Variants in PRKCZ observed in about 807,000 individuals in gnomAD.
PRKCZ encodes the protein protein kinase C zeta type.
PRKCZ carries 33 observed loss-of-function variants against 79.5 expected under a neutral mutation model. The observed-to-expected ratio is 0.41, with a 90% CI of 0.31 to 0.55. The LOEUF is 0.55. Among genes scored for constraint, PRKCZ ranks in the 20% least tolerant of loss-of-function variants. The pLI is 0.19. For synonymous variants in PRKCZ, 342 were observed against 320.9 expected, an observed-to-expected ratio of 1.07 and a Z score of -0.70; for missense variants, 578 against 813.5, an observed-to-expected ratio of 0.71 and a Z score of 3.52.
rs566372342 is a variant in PRKCZ at position 2,171,141 on chromosome 1, T to C, written c.1062-914T>C. On this transcript the variant is annotated intron_variant, in intron 11 of 17. Transcript: ENST00000378567. ...GTCAGGAGATCGAGACCATCCTGGC[T>C]AACACGGTGAAATAACACAGTGAAA... Among the ~76,000 whole-genome samples, 326 of 151,972 alleles carry C rather than the reference T, an allele frequency of 2.1e-3. 1 individual carries two copies. The highest frequency in any genetic ancestry group is 6.9e-3 in the South Asian group (33 of 4,810).
At chr1:2,071,332 A>T (rs762703057) in intron 4 of PRKCZ, 13 of 471,020 alleles carry the variant, frequency 2.8e-5, no homozygotes, top group Admixed American at 2.2e-4. Context: ...GGCCCCACCG[A>T]GTGTGTTCCA....
chr1:2,058,514 T>G (rs6698965), intron 3 of PRKCZ, among the ~76,000 whole-genome samples: 3,048 of 152,104 alleles, frequency 0.02, 112 homozygotes, highest in East Asian at 0.078. Context: ...AATCTAGTCC[T>G]TTTTATTGTG....
At chr1:2,140,147 G>A (rs1387399973) in intron 5 of PRKCZ, among the ~76,000 whole-genome samples, 1 of 152,216 alleles carries the variant, frequency 6.6e-6, no homozygotes, top group East Asian at 1.9e-4. Context: ...TCAGGTGGCT[G>A]GCAGAGGCCA....
intron 9 of PRKCZ, among the ~76,000 whole-genome samples, chr1:2,153,037 G>A (rs555170187): frequency 6.6e-6 from 1 of 152,334 alleles, no homozygotes; most frequent in South Asian, 2.1e-4. Flanking sequence ...GTAGTTCTCT[G>A]TTCAACTGAT....
At chr1:2,095,536 C>G (rs1350383795) in intron 4 of PRKCZ, among the ~76,000 whole-genome samples, 2 of 152,178 alleles carry the variant, frequency 1.3e-5, no homozygotes, top group South Asian at 2.1e-4. Context: ...AAGTCCCTGT[C>G]AGTTGTTCAG....
intron 4 of PRKCZ, chr1:2,073,829 C>T (rs1004645205): frequency 1.4e-5 from 15 of 1,040,110 alleles, no homozygotes; most frequent in Non-Finnish European, 1.7e-5. Flanking sequence ...GGCGAGCCGA[C>T]GCAGCATCAG....
intron 4 of PRKCZ, among the ~76,000 whole-genome samples, chr1:2,113,974 C>T (rs773052453): frequency 9.9e-5 from 15 of 152,226 alleles, no homozygotes; most frequent in Admixed American, 3.3e-4. Context: ...TGGGTGCCAC[C>T]GGTCAAGGGC....
rs1684598921 is a variant in PRKCZ, at chr1:2,172,336, C to T, written c.1233C>T (p.Phe411=). The change falls in exon 13 of 18, where the codon TTC becomes TTT. Residue 411 remains phenylalanine, a synonymous_variant. Coordinates refer to ENST00000378567, the MANE Select transcript of PRKCZ (RefSeq NM_002744.6). This position sits in a 1 kb window ranked among gnomAD's most constrained non-coding sequence, Gnocchi z 7.8. Reference sequence around the variant, plus strand: ...GCCCTGGTGACACAACGAGCACTTTCTGCGGAACCCCGAATTACATCGCCC... The same window carrying T: ...GCCCTGGTGACACAACGAGCACTTTTTGCGGAACCCCGAATTACATCGCCC... ...GLGPGDTTST[F]CGTPNYIAPE... 1.2e-6 allele frequency: 2 copies of T among 1,613,632 alleles called. No homozygotes were observed. The highest frequency in any genetic ancestry group is 1.3e-5 in the African/African-American group (1 of 75,074).
At chr1:2,067,397 G>C (rs1305704849) in intron 4 of PRKCZ, among the ~76,000 whole-genome samples, 6 of 152,178 alleles carry the variant, frequency 3.9e-5, no homozygotes, top group Non-Finnish European at 8.8e-5. Context: ...CCGTTCCTCT[G>C]CTGATGGACA....
intron 4 of PRKCZ, among the ~76,000 whole-genome samples, chr1:2,097,485 C>T (rs947236854): frequency 1.2e-4 from 18 of 152,222 alleles, no homozygotes; most frequent in African/African-American, 3.6e-4. Context: ...GAAGGCATTC[C>T]TTACCTGCCC....
rs1280665016 is a variant in PRKCZ, at chr1:2,172,202, G to A, written c.1197+12G>A. The stretch of plus-strand genomic sequence containing the variant: ...ACGGCATGTGCAAGGTGCGTGCCTT[G>A]GACCGCCTCCCCTGACCATCCCGCA... On this transcript the variant is annotated intron_variant, in intron 12 of 17. Coordinates refer to ENST00000378567, the MANE Select transcript of PRKCZ (RefSeq NM_002744.6). This position sits in a 1 kb window ranked among gnomAD's most constrained non-coding sequence, Gnocchi z 7.8. 1.9e-6 allele frequency: 3 copies of A among 1,613,336 alleles called. No homozygotes were observed. The highest frequency in any genetic ancestry group is 2.5e-6 in the Non-Finnish European group (3 of 1,179,966).
At chr1:2,052,879 C>T (rs1208729756) in intron 1 of PRKCZ, among the ~76,000 whole-genome samples, 2 of 152,158 alleles carry the variant, frequency 1.3e-5, no homozygotes. Flanking sequence ...TTCAGTCACC[C>T]CCATGGGGCA....
intron 4 of PRKCZ, among the ~76,000 whole-genome samples, chr1:2,106,397 C>T (rs1668418197): frequency 6.6e-6 from 1 of 152,092 alleles, no homozygotes. Context: ...CTGTGACTCT[C>T]AGCAAGCCCC....
chr1:2,051,696 C>T (rs1659675745), intron 1 of PRKCZ, among the ~76,000 whole-genome samples: 2 of 152,148 alleles, frequency 1.3e-5, no homozygotes, highest in African/African-American at 4.8e-5. Context: ...ACAACTTCCC[C>T]GGGCCACGTC....
intron 4 of PRKCZ, among the ~76,000 whole-genome samples, chr1:2,132,240 G>A (rs891621009): frequency 6.6e-6 from 1 of 152,192 alleles, no homozygotes; most frequent in African/African-American, 2.4e-5. Context: ...TGGCTGAGGT[G>A]GGCTTCGCAC....
At chr1:2,109,167 C>T (rs1251679468) in intron 4 of PRKCZ, among the ~76,000 whole-genome samples, 1 of 152,236 alleles carries the variant, frequency 6.6e-6, no homozygotes, top group Non-Finnish European at 1.5e-5. Context: ...GTGACACAGT[C>T]TTGGGTCCCG....
Position 2,144,661 on chromosome 1 carries a change from G to T in PRKCZ, c.552+320G>T. 5 of 1,127,342 alleles carry T rather than the reference G, an allele frequency of 4.4e-6. No homozygotes were observed. The South Asian group carries it at 6.8e-5, about 15-fold the overall frequency. 69.8% of individuals were successfully genotyped at this position (1,127,342 alleles called of 1,614,324 possible). A position where few individuals can be genotyped will look rare whatever the true frequency, so the allele number is the denominator to read the frequency against. On this transcript the variant is annotated intron_variant, in intron 6 of 17. Coordinates refer to ENST00000378567, the MANE Select transcript of PRKCZ (RefSeq NM_002744.6). ...CCCCAGTCTTGAACCAGCTCTTAAG[G>T]ACTGTGGAGGTGAAAGCCAGGTCTG...
chr1:2,073,505 T>G, intron 4 of PRKCZ: 1 of 537,560 alleles, frequency 1.9e-6, no homozygotes, highest in Non-Finnish European at 2.4e-6. Context: ...CTGGGTTCTG[T>G]TCTGATGTCG....
chr1:2,053,842 A>G (rs1659915125), intron 1 of PRKCZ, among the ~76,000 whole-genome samples: 1 of 152,204 alleles, frequency 6.6e-6, no homozygotes, highest in African/African-American at 2.4e-5. Flanking sequence ...ACCCCCCTCC[A>G]TTCCTTACTT....
Sources: gnomAD v4.1 joint callset for allele counts (sites outside exome capture counted in the v4.1 genomes callset) on GRCh38, gnomAD v4.1.1 for gene constraint, Gnocchi (gnomAD v3.1) non-coding constraint, MANE v1.5 for transcripts, NCBI Gene and HGNC (gene_info 2026-07-23, HGNC 2026-07-21) for gene names.